CDH18: variants seen among roughly 807,000 people sequenced by gnomAD.
CDH18 encodes the protein cadherin-18.
CDH18 carries 31 observed loss-of-function variants against 67.9 expected under a neutral mutation model. The observed-to-expected ratio is 0.46, with a 90% CI of 0.34 to 0.62. The LOEUF is 0.62. Among genes scored for constraint, CDH18 ranks in the 20% least tolerant of loss-of-function variants. CDH18 has a pLI of 0.01. For synonymous variants in CDH18, 362 were observed against 347.2 expected (o/e 1.04, Z -0.48); for missense variants, 890 against 975.5 (o/e 0.91, Z 1.17).
At chr5:20,255,275 C>A (rs1744147631) in intron 2 of CDH18, among the ~76,000 whole-genome samples, 1 of 152,032 alleles carries the variant, frequency 6.6e-6, no homozygotes, top group Admixed American at 6.6e-5. Context: ...TTTTAAAACA[C>A]AGAAGATGCT....
At chr5:20,018,781 C>G (rs183768302) in intron 2 of CDH18, among the ~76,000 whole-genome samples, 2 of 150,944 alleles carry the variant, frequency 1.3e-5, no homozygotes, top group East Asian at 3.9e-4. Context: ...TAAGAGAGTT[C>G]TCTGAGAATA....
chr5:19,990,940 T>C (rs550745727), upstream of CDH18, among the ~76,000 whole-genome samples: 1 of 152,318 alleles, frequency 6.6e-6, no homozygotes, highest in East Asian at 1.9e-4. Context: ...ATTACAGAAC[T>C]AATCTCTGAA....
At chr5:20,135,829 C>A (rs1749666527) in intron 2 of CDH18, among the ~76,000 whole-genome samples, 2 of 152,130 alleles carry the variant, frequency 1.3e-5, no homozygotes, top group African/African-American at 4.8e-5. Flanking sequence ...ATCTTTATTT[C>A]TGCCTTCATT....
chr5:19,605,117 CTTT>C (rs1747825844), intron 6 of CDH18, among the ~76,000 whole-genome samples: 1 of 151,838 alleles, frequency 6.6e-6, no homozygotes. Context: ...TATTCTGTAA[CTTT>C]ATTATAGTAC....
At chr5:19,936,345 G>A (rs987830897) in intron 2 of CDH18, among the ~76,000 whole-genome samples, 2 of 151,196 alleles carry the variant, frequency 1.3e-5, no homozygotes, top group Admixed American at 6.6e-5. Flanking sequence ...TATAAATGAT[G>A]TTTGTTTCTC....
At chr5:19,972,928 A>C (rs1798165631) in intron 2 of CDH18, among the ~76,000 whole-genome samples, 1 of 152,024 alleles carries the variant, frequency 6.6e-6, no homozygotes, top group Admixed American at 6.6e-5. Flanking sequence ...TATCCATTCT[A>C]CTACTGAAGG....
intron 5 of CDH18, among the ~76,000 whole-genome samples, chr5:19,693,495 T>G (rs1225679548): frequency 2.6e-5 from 4 of 152,200 alleles, no homozygotes; most frequent in African/African-American, 9.6e-5. Flanking sequence ...TCTTCATATA[T>G]CCATTCTGGA....
At chr5:20,219,285 A>G (rs1051693591) in intron 2 of CDH18, among the ~76,000 whole-genome samples, 115 of 152,098 alleles carry the variant, frequency 7.6e-4, no homozygotes, top group African/African-American at 2.7e-3. Context: ...ACCATGAAAA[A>G]TCCAAAACCT....
At chr5:19,517,813 T>C (rs1746271401) in intron 10 of CDH18, among the ~76,000 whole-genome samples, 1 of 152,088 alleles carries the variant, frequency 6.6e-6, no homozygotes, top group African/African-American at 2.4e-5. Context: ...GCATGTCCCA[T>C]ATGTCTCTCA....
intron 6 of CDH18, among the ~76,000 whole-genome samples, chr5:19,600,396 T>G (rs956764430): frequency 6.6e-6 from 1 of 151,534 alleles, no homozygotes; most frequent in African/African-American, 2.4e-5. Flanking sequence ...GTTTTTCAGC[T>G]GGTACCAGCT....
chr5:20,060,451 G>T (rs1453317087), intron 2 of CDH18, among the ~76,000 whole-genome samples: 1 of 151,784 alleles, frequency 6.6e-6, no homozygotes, highest in Admixed American at 6.6e-5. Flanking sequence ...GTGACAAAGC[G>T]AGATTCTGTC....
At chr5:20,223,120 A>G (rs1430659314) in intron 2 of CDH18, among the ~76,000 whole-genome samples, 3 of 152,096 alleles carry the variant, frequency 2.0e-5, no homozygotes, top group Admixed American at 2.0e-4. Context: ...CTCAATGCCA[A>G]CCCGTGAAAG....
chr5:19,590,964 C>T (rs997108478), intron 7 of CDH18, 93 bp downstream of exon 7: 52 of 642,000 alleles, frequency 8.1e-5, no homozygotes, highest in Non-Finnish European at 1.3e-4. Flanking sequence ...ATTTTAATGG[C>T]CTGACAGCGT....
intron 1 of CDH18, chr5:20,303,904 T>C (rs1176301728): frequency 4.8e-6 from 3 of 625,902 alleles, no homozygotes; most frequent in East Asian, 2.7e-5. Flanking sequence ...AAAGGTTTTA[T>C]TGGCCACATT....
intron 2 of CDH18, among the ~76,000 whole-genome samples, chr5:20,010,468 C>A (rs886823298): frequency 6.6e-6 from 1 of 152,036 alleles, no homozygotes; most frequent in Non-Finnish European, 1.5e-5. Flanking sequence ...CTCAGCCTCC[C>A]AAAGTTCCGG....
At chr5:20,115,119 A>G (rs1053141114) in intron 2 of CDH18, among the ~76,000 whole-genome samples, 1 of 151,994 alleles carries the variant, frequency 6.6e-6, no homozygotes, top group Non-Finnish European at 1.5e-5. Flanking sequence ...GTGCTAGCCA[A>G]TTTGGTTCTT....
chr5:19,785,463 A>G (rs932777788), intron 3 of CDH18, among the ~76,000 whole-genome samples: 1 of 149,942 alleles, frequency 6.7e-6, no homozygotes, highest in African/African-American at 2.5e-5. Flanking sequence ...GATCAGCCTA[A>G]CCAACATGGA....
intron 1 of CDH18, among the ~76,000 whole-genome samples, chr5:20,536,200 C>T (rs960399459): frequency 1.3e-5 from 2 of 152,068 alleles, no homozygotes; most frequent in African/African-American, 4.8e-5. Context: ...AATATAATAA[C>T]CAATTGATCA....
chr5:19,794,198 G>C (rs1180367275), intron 3 of CDH18, among the ~76,000 whole-genome samples: 1 of 152,044 alleles, frequency 6.6e-6, no homozygotes, highest in African/African-American at 2.4e-5. Flanking sequence ...CTGGGCTAAG[G>C]GATGTCCAGA....
Sources: allele counts gnomAD v4.1 joint callset (sites outside exome capture counted in the v4.1 genomes callset), GRCh38; gene constraint gnomAD v4.1.1; transcripts MANE v1.5; gene names NCBI Gene and HGNC (gene_info 2026-07-23, HGNC 2026-07-21).